Variants in ANKRD45 observed in about 807,000 individuals in gnomAD.
ANKRD45 encodes ankyrin repeat domain 45.
In ANKRD45, 21 loss-of-function variants were observed where a neutral mutation model predicts 28.1. That is an observed-to-expected ratio of 0.75 (90% CI 0.53 to 1.08). The LOEUF is 1.08. Ranked by LOEUF, ANKRD45 falls within the 50% of genes least tolerant of loss-of-function variation. The pLI, the probability that ANKRD45 is intolerant of heterozygous loss-of-function variation, is 0.00. For missense variants in ANKRD45, 261 were observed against 308.7 expected (o/e 0.85, Z 1.16); for synonymous variants, 86 against 103.9 (o/e 0.83, Z 1.05).
the ANKRD45 span, among the ~76,000 whole-genome samples, chr1:173,714,000 G>T: frequency 6.6e-6 from 1 of 152,148 alleles, no homozygotes; most frequent in South Asian, 2.1e-4. Flanking sequence ...ACTATATCTG[G>T]ATCTAAAGGC....
chr1:173,624,273 A>G (rs1298379279), intron 5 of ANKRD45, among the ~76,000 whole-genome samples: 1 of 152,150 alleles, frequency 6.6e-6, no homozygotes, highest in East Asian at 1.9e-4. Flanking sequence ...CAGGAGGATT[A>G]CATGAAGCTA....
the ANKRD45 span, among the ~76,000 whole-genome samples, chr1:173,711,719 C>T: frequency 6.6e-5 from 10 of 152,168 alleles, no homozygotes; most frequent in Non-Finnish European, 1.2e-4. Context: ...CATAGTCTTA[C>T]TCAGGTGGCA....
chr1:173,691,472 A>C, the ANKRD45 span, among the ~76,000 whole-genome samples: 63 of 152,238 alleles, frequency 4.1e-4, no homozygotes, highest in African/African-American at 1.3e-3. Context: ...TTTATTTTTA[A>C]CTCTCAGCAA....
At position 173,609,808 on chromosome 1, in the gene ANKRD45, A is replaced by G. The variant is rs192040363; in HGVS notation, c.*337T>C. The stretch of plus-strand genomic sequence containing the variant: ...CAAATTTTTTCTCTGGAAATAGCCA[A>G]ATATGTCCTTTTATATGGAATGCCT... On this transcript the variant is annotated 3_prime_UTR_variant, in exon 6 of 6. Transcript: ENST00000333279. 2.4e-4 allele frequency: 48 copies of G among 199,516 alleles called. No homozygotes were observed. Among genetic ancestry groups the G allele is most frequent in the African/African-American group, 1.0e-3 (45 of 43,348 alleles). 12.4% of individuals were successfully genotyped at this position (199,516 alleles called of 1,614,324 possible).
intron 3 of ANKRD45, among the ~76,000 whole-genome samples, chr1:173,637,362 ATTC>A (rs1476604424): frequency 6.6e-6 from 1 of 152,242 alleles, no homozygotes; most frequent in African/African-American, 2.4e-5. Context: ...CTGTGCTAAT[ATTC>A]TTAAATTCTG....
chr1:173,665,915 G>GAGGTGA lies in ANKRD45; in HGVS notation c.-16+3896_-16+3901dup, dbSNP rs1032833213. Among the ~76,000 whole-genome samples, 66 of 152,168 alleles carry GAGGTGA rather than the reference G, an allele frequency of 4.3e-4. 1 individual carries two copies. Among genetic ancestry groups the GAGGTGA allele is most frequent in the Admixed American group, 1.2e-3 (18 of 15,266 alleles). ...TGTGGTCCCAGCTACTTGGGAGGTG[G>GAGGTGA]AGGTGAGAGAATCGCTTGAGCTCAG... On this transcript the variant is annotated intron_variant, in intron 1 of 5. Coordinates refer to ENST00000333279, the MANE Select transcript of ANKRD45 (RefSeq NM_198493.3).
the ANKRD45 span, among the ~76,000 whole-genome samples, chr1:173,693,006 C>A: frequency 6.6e-6 from 1 of 150,622 alleles, no homozygotes; most frequent in Non-Finnish European, 1.5e-5. Flanking sequence ...ATTTCTTGGC[C>A]GGTCATGGTG....
intron 5 of ANKRD45, among the ~76,000 whole-genome samples, chr1:173,615,559 A>C (rs6694637): frequency 0.027 from 4,131 of 152,248 alleles, 200 homozygotes; most frequent in African/African-American, 0.095. Context: ...CAAAATTAAC[A>C]ATAAAATTAA....
Position 173,659,441 on chromosome 1 carries a change from C to A in ANKRD45, c.-15-8G>T. The A allele has an allele frequency of 3.4e-6, 5 of 1,492,150 alleles. No homozygotes were observed. The highest frequency in any genetic ancestry group is 2.8e-5 in the African/African-American group (2 of 71,162). 92.4% of individuals were successfully genotyped at this position (1,492,150 alleles called of 1,614,324 possible). A position where few individuals can be genotyped will look rare whatever the true frequency, so the allele number is the denominator to read the frequency against. ...CATTAACTCCAAAAATACCTATGAC[C>A]AAAAAAATAAAAAAGTGATAAAAAT... On this transcript the variant is annotated splice_polypyrimidine_tract_variant and splice_region_variant and intron_variant, in intron 1 of 5. Coordinates refer to ENST00000333279, the MANE Select transcript of ANKRD45 (RefSeq NM_198493.3).
chr1:173,665,884 C>T (rs898817576), intron 1 of ANKRD45, among the ~76,000 whole-genome samples: 3 of 151,814 alleles, frequency 2.0e-5, no homozygotes, highest in African/African-American at 4.8e-5. Context: ...CATGGGGGCA[C>T]ATGCCTGTGG....
At position 173,624,927 on chromosome 1, in the gene ANKRD45, T is replaced by C; in HGVS notation, c.592-2A>G. 1.2e-6 allele frequency: 2 copies of C among 1,610,650 alleles called. No homozygotes were observed. Among genetic ancestry groups the C allele is most frequent in the South Asian group, 2.2e-5 (2 of 90,566 alleles). ...ACGGCATGCACTGAGGATGGTATTC[T>C]AGGGACAGAAATACAGAGTTTGCTC... On this transcript the variant is annotated splice_acceptor_variant, in intron 4 of 5. Transcript: ENST00000333279. LOFTEE classifies it high-confidence loss of function.
chr1:173,677,284 C>T, the ANKRD45 span, among the ~76,000 whole-genome samples: 1 of 151,718 alleles, frequency 6.6e-6, no homozygotes, highest in East Asian at 1.9e-4. Flanking sequence ...ATTTGTTTTT[C>T]AAATTTTTAT....
the ANKRD45 span, among the ~76,000 whole-genome samples, chr1:173,681,581 C>A: frequency 1.3e-5 from 2 of 152,124 alleles, no homozygotes; most frequent in Non-Finnish European, 2.9e-5. Context: ...TCATAAAAAC[C>A]TTTTGTTTTT....
At chr1:173,663,916 C>T (rs181768308) in intron 1 of ANKRD45, among the ~76,000 whole-genome samples, 60 of 152,280 alleles carry the variant, frequency 3.9e-4, no homozygotes, top group African/African-American at 1.4e-3. Context: ...GGATACATGG[C>T]ATATATGGCT....
At chr1:173,683,555 A>G in the ANKRD45 span, among the ~76,000 whole-genome samples, 7 of 152,162 alleles carry the variant, frequency 4.6e-5, no homozygotes, top group Admixed American at 2.0e-4. Flanking sequence ...AAATTGTCCT[A>G]TCCATTTGAA....
At chr1:173,611,700 G>A (rs907537680) in intron 5 of ANKRD45, among the ~76,000 whole-genome samples, 8 of 151,216 alleles carry the variant, frequency 5.3e-5, no homozygotes, top group Admixed American at 1.3e-4. Context: ...AGAAAACATA[G>A]AATTAAATCT....
the ANKRD45 span, among the ~76,000 whole-genome samples, chr1:173,690,324 T>C: frequency 6.6e-6 from 1 of 151,664 alleles, no homozygotes; most frequent in Admixed American, 6.6e-5. Context: ...GAGGCAGCAG[T>C]GGCTGTTTGA....
intron 5 of ANKRD45, among the ~76,000 whole-genome samples, chr1:173,616,974 G>A (rs1241774543): frequency 6.6e-6 from 1 of 152,056 alleles, no homozygotes; most frequent in African/African-American, 2.4e-5. Context: ...GTGATTGTGC[G>A]ACCACTCACA....
intron 3 of ANKRD45, among the ~76,000 whole-genome samples, chr1:173,642,339 C>T (rs1668739247): frequency 6.6e-6 from 1 of 152,202 alleles, no homozygotes. Context: ...TAATTCCTAA[C>T]TTTTCTTCAC....
Sources: allele counts gnomAD v4.1 joint callset (sites outside exome capture counted in the v4.1 genomes callset), GRCh38; gene constraint gnomAD v4.1.1; transcripts MANE v1.5; gene names NCBI Gene and HGNC (gene_info 2026-07-23, HGNC 2026-07-21).